Variants in ANTXR1 observed in about 807,000 individuals in gnomAD.
ANTXR1 encodes the protein ANTXR cell adhesion molecule 1.
ANTXR1 carries 19 observed loss-of-function variants against 78.1 expected under a neutral mutation model. The ratio of observed to expected loss-of-function variants is 0.24; its 90% confidence interval spans 0.17 to 0.36. The LOEUF (loss-of-function observed/expected upper bound fraction) is 0.36, where lower values mean the gene tolerates loss of function less well. ANTXR1 is among the 10% of genes least tolerant of loss of function. ANTXR1 has a pLI of 1.00. For missense variants in ANTXR1, 518 were observed against 718.6 expected, an observed-to-expected ratio of 0.72 and a Z score of 3.19; for synonymous variants, 273 against 260.5, an observed-to-expected ratio of 1.05 and a Z score of -0.46.
At chr2:69,187,585 CTT>C (rs58660678) in intron 16 of ANTXR1, among the ~76,000 whole-genome samples, 16 of 94,876 alleles carry the variant, frequency 1.7e-4, no homozygotes, top group African/African-American at 5.5e-4. Context: ...TCATGTATTT[CTT>C]TTTTTTTTTT....
chr2:69,124,677 CATT>C, intron 12 of ANTXR1, 34 bp downstream of exon 12: 12 of 1,603,156 alleles, frequency 7.5e-6, no homozygotes, highest in Non-Finnish European at 1.0e-5. Context: ...CTAAAGATCT[CATT>C]ATCATTGTCA....
At chr2:69,018,726 T>C (rs76102807) in intron 1 of ANTXR1, among the ~76,000 whole-genome samples, 4,449 of 152,212 alleles carry the variant, frequency 0.029, 211 homozygotes, top group African/African-American at 0.1. Flanking sequence ...GCTAGGACAG[T>C]GTCTGCCCTT....
At position 69,074,980 on chromosome 2, in the gene ANTXR1, T is replaced by C. The variant is rs1183058137; in HGVS notation, c.493-610T>C. ...ATTATGTTGCCATCCCAATGCTTAA[T>C]TGTAGAGATCATGGATTTACCTATT... On this transcript the variant is annotated intron_variant, in intron 6 of 17. Coordinates refer to ENST00000303714, the MANE Select transcript of ANTXR1 (RefSeq NM_032208.3). Among the ~76,000 whole-genome samples, 7 of 149,696 alleles carry C rather than the reference T, an allele frequency of 4.7e-5. No individual in the cohort carries two copies. In the East Asian group the frequency reaches 1.3e-3, roughly 29 times the overall value.
intron 13 of ANTXR1, among the ~76,000 whole-genome samples, chr2:69,168,159 A>G (rs943098789): frequency 3.9e-5 from 6 of 152,222 alleles, no homozygotes; most frequent in African/African-American, 1.4e-4. Context: ...GGAAGCCACC[A>G]TGCAAAGGCA....
intron 1 of ANTXR1, among the ~76,000 whole-genome samples, chr2:69,022,690 C>T (rs1469115946): frequency 6.6e-6 from 1 of 152,232 alleles, no homozygotes; most frequent in Admixed American, 6.5e-5. Flanking sequence ...GATTCTGATT[C>T]AGGTCCCTCC....
intron 17 of ANTXR1, among the ~76,000 whole-genome samples, chr2:69,214,157 G>C (rs1322676711): frequency 3.9e-5 from 6 of 152,254 alleles, no homozygotes; most frequent in Non-Finnish European, 8.8e-5. Flanking sequence ...GAGCATTTCT[G>C]GGTCCTGTGA....
intron 3 of ANTXR1, among the ~76,000 whole-genome samples, chr2:69,045,364 A>T (rs11900784): frequency 0.35 from 52,596 of 152,074 alleles, 14,109 homozygotes; most frequent in African/African-American, 0.71. Context: ...GTATTTTAGG[A>T]TTTGCCACAT....
At chr2:69,163,621 G>A (rs1278132962) in intron 13 of ANTXR1, among the ~76,000 whole-genome samples, 5 of 152,012 alleles carry the variant, frequency 3.3e-5, no homozygotes, top group Admixed American at 1.3e-4. Context: ...TGCATTTTTC[G>A]AACCAGGACA....
At chr2:69,129,749 CA>C (rs375857337) in intron 12 of ANTXR1, among the ~76,000 whole-genome samples, 2,700 of 119,520 alleles carry the variant, frequency 0.023, 35 homozygotes, top group African/African-American at 0.052. Context: ...GACTCCATCT[CA>C]AAAAAAAAAA....
chr2:69,199,376 G>A (rs988405755), intron 17 of ANTXR1, among the ~76,000 whole-genome samples: 1 of 151,998 alleles, frequency 6.6e-6, no homozygotes, highest in Non-Finnish European at 1.5e-5. Context: ...GAGAGTCTGG[G>A]GTCCTAGGCA....
At position 69,246,266 on chromosome 2, in the gene ANTXR1, C is replaced by A. The variant is rs1676019663; in HGVS notation, c.*781C>A. ...GCCATCAGCAGCTAGAGGTGGCTGG[C>A]TTTGGCCAGACATGGACCCTAAATC... On this transcript the variant is annotated 3_prime_UTR_variant, in exon 18 of 18. Coordinates refer to ENST00000303714, the MANE Select transcript of ANTXR1 (RefSeq NM_032208.3). The A allele has an allele frequency of 6.6e-6, 1 of 152,194 alleles. No homozygotes were observed. The highest frequency in any genetic ancestry group is 2.1e-4 in the South Asian group (1 of 4,828). The allele number at this position is 152,194 out of a possible 1,614,324, so 9.4% of individuals were successfully genotyped here. A position where few individuals can be genotyped will look rare whatever the true frequency, so the allele number is the denominator to read the frequency against.
intron 10 of ANTXR1, among the ~76,000 whole-genome samples, chr2:69,120,447 C>T (rs952690756): frequency 6.6e-6 from 1 of 152,144 alleles, no homozygotes; most frequent in Non-Finnish European, 1.5e-5. Flanking sequence ...AGGCGGAGCA[C>T]AAGGTCAGGA....
intron 1 of ANTXR1, among the ~76,000 whole-genome samples, chr2:69,021,409 AAAC>A (rs1306553608): frequency 1.3e-5 from 2 of 152,248 alleles, no homozygotes; most frequent in African/African-American, 2.4e-5. Flanking sequence ...CAGTTACACA[AAAC>A]AACAAAAGTT....
chr2:69,036,970 T>C (rs1333422966), intron 1 of ANTXR1, among the ~76,000 whole-genome samples: 2 of 152,210 alleles, frequency 1.3e-5, no homozygotes, highest in Non-Finnish European at 2.9e-5. Context: ...AAAGAAGATT[T>C]CTAAAGCTTT....
At chr2:69,177,151 C>T (rs575378013) in intron 14 of ANTXR1, among the ~76,000 whole-genome samples, 15 of 152,310 alleles carry the variant, frequency 9.8e-5, no homozygotes, top group African/African-American at 3.6e-4. Context: ...GTTGTGGAAA[C>T]TCATGAGGCG....
chr2:69,131,401 A>G lies in ANTXR1; in HGVS notation c.951+6758A>G, dbSNP rs566803392. ...TTATTTCAGGAAGAAAGACCCTCTTAACATCCGGGTTATTTTCAACACTTC... is the reference window on the plus strand; with the variant it reads ...TTATTTCAGGAAGAAAGACCCTCTTGACATCCGGGTTATTTTCAACACTTC... On this transcript the variant is annotated intron_variant, in intron 12 of 17. Coordinates refer to ENST00000303714, the MANE Select transcript of ANTXR1 (RefSeq NM_032208.3). Among the ~76,000 whole-genome samples, 6 of 152,316 alleles carry G rather than the reference A, an allele frequency of 3.9e-5. No individual in the cohort carries two copies. In the South Asian group the frequency reaches 1.0e-3, roughly 26 times the overall value.
chr2:69,035,717 G>A (rs111367829), intron 1 of ANTXR1, among the ~76,000 whole-genome samples: 31 of 152,302 alleles, frequency 2.0e-4, no homozygotes, highest in Admixed American at 5.2e-4. Flanking sequence ...CCCCAGCAGC[G>A]ACAGGGCAGC....
intron 2 of ANTXR1, among the ~76,000 whole-genome samples, chr2:69,042,819 T>C (rs1043511232): frequency 2.0e-5 from 3 of 152,178 alleles, no homozygotes; most frequent in African/African-American, 7.2e-5. Flanking sequence ...TCTGCAGCCT[T>C]TAGTCCACTG....
chr2:69,115,283 A>C (rs901750130), intron 10 of ANTXR1, among the ~76,000 whole-genome samples: 6 of 152,214 alleles, frequency 3.9e-5, no homozygotes, highest in Non-Finnish European at 8.8e-5. Context: ...TTATCACACC[A>C]ATATTGTAAA....
Sources: allele counts gnomAD v4.1 joint callset (sites outside exome capture counted in the v4.1 genomes callset), GRCh38; gene constraint gnomAD v4.1.1; transcripts MANE v1.5; gene names NCBI Gene and HGNC (gene_info 2026-07-23, HGNC 2026-07-21).